Variants in ATP2B4 observed in about 807,000 individuals in gnomAD.
The protein encoded by ATP2B4 is plasma membrane calcium-transporting ATPase 4.
A neutral mutation model predicts 110.3 loss-of-function variants in ATP2B4; 39 were observed. The ratio of observed to expected loss-of-function variants is 0.35; its 90% CI spans 0.27 to 0.46. The LOEUF is 0.46. Among genes scored for constraint, ATP2B4 ranks in the 20% least tolerant of loss-of-function variants. The pLI, the probability that ATP2B4 is intolerant of heterozygous loss-of-function variation, is 1.00. For synonymous variants in ATP2B4, 538 were observed against 571.7 expected (o/e 0.94, Z 0.84); for missense variants, 1,135 against 1,530.9 (o/e 0.74, Z 4.32).
At chr1:203,714,374 A>G (rs1450800844) in intron 15 of ATP2B4, 97 bp downstream of exon 15, 2 of 1,317,636 alleles carry the variant, frequency 1.5e-6, no homozygotes, top group East Asian at 2.3e-5. Context: ...ACACCTGCAT[A>G]GCCCATGGGG....
intron 2 of ATP2B4, among the ~76,000 whole-genome samples, chr1:203,683,661 T>A (rs571082101): frequency 2.1e-5 from 3 of 142,400 alleles, no homozygotes; most frequent in African/African-American, 7.5e-5. Context: ...CTTCTTCTTT[T>A]GTTTCTTTTT....
In ATP2B4 at chr1:203,683,225, G is replaced by T. The variant is rs375107873; in HGVS notation, c.20G>T (p.Arg7Leu). The T allele has an allele frequency of 6.2e-7, 1 of 1,614,014 alleles. No homozygotes were observed. Among genetic ancestry groups the T allele is most frequent in the Non-Finnish European group, 8.5e-7 (1 of 1,179,994 alleles). ...GGCAAAATGACGAACCCATCAGACC[G>T]TGTCTTGCCTGCCAACTCGATGGCC... MTNPSD[R>L]VLPANSMAES... The change falls in exon 2 of 21, where the codon CGT (arginine) becomes CTT (leucine). Residue 7 changes from arginine to leucine, a missense_variant. Coordinates refer to ENST00000357681, the MANE Select transcript of ATP2B4 (RefSeq NM_001684.5).
chr1:203,702,479 G>A (rs1355153237), intron 7 of ATP2B4, among the ~76,000 whole-genome samples: 5 of 152,154 alleles, frequency 3.3e-5, no homozygotes, highest in African/African-American at 9.7e-5. Flanking sequence ...TCCCTGCACC[G>A]TCCTCTTGCT....
At chr1:203,702,202 T>C in intron 7 of ATP2B4, 123 bp downstream of exon 7, 1 of 1,268,540 alleles carries the variant, frequency 7.9e-7, no homozygotes, top group Non-Finnish European at 1.1e-6. Context: ...GTGGCTCAGA[T>C]GCCTCATCCT....
At chr1:203,716,289 G>T (rs1666156693) in intron 15 of ATP2B4, among the ~76,000 whole-genome samples, 1 of 145,198 alleles carries the variant, frequency 6.9e-6, no homozygotes, top group Non-Finnish European at 1.5e-5. Context: ...TCCCTCCCAT[G>T]AGGAGTCAAA....
intron 1 of ATP2B4, among the ~76,000 whole-genome samples, chr1:203,667,488 G>C (rs1469368911): frequency 1.3e-5 from 2 of 152,122 alleles, no homozygotes; most frequent in Non-Finnish European, 2.9e-5. Context: ...TCTCACAATT[G>C]CTCAGTTACT....
chr1:203,634,903 A>G (rs1368017892), intron 1 of ATP2B4, among the ~76,000 whole-genome samples: 2 of 152,190 alleles, frequency 1.3e-5, no homozygotes, highest in African/African-American at 4.8e-5. Flanking sequence ...GGCTCAAGCA[A>G]TCCACCTGCT....
intron 1 of ATP2B4, among the ~76,000 whole-genome samples, chr1:203,651,786 G>A (rs1167564851): frequency 2.0e-5 from 3 of 151,374 alleles, no homozygotes; most frequent in South Asian, 4.2e-4. Context: ...GGCTAGGCAC[G>A]GTGGCTCATG....
intron 20 of ATP2B4, among the ~76,000 whole-genome samples, chr1:203,731,510 T>C (rs1571777066): frequency 6.6e-6 from 1 of 152,136 alleles, no homozygotes; most frequent in East Asian, 1.9e-4. Context: ...GGGTCAGGGA[T>C]AAGGATGGTA....
At chr1:203,738,385 A>G (rs1434430407) in intron 20 of ATP2B4, among the ~76,000 whole-genome samples, 5 of 152,190 alleles carry the variant, frequency 3.3e-5, no homozygotes, top group Non-Finnish European at 1.5e-5. Context: ...CCTGTGGACA[A>G]GCAAAAGCTG....
At chr1:203,661,227 GAGAA>G (rs1417763052) in intron 1 of ATP2B4, among the ~76,000 whole-genome samples, 1 of 152,276 alleles carries the variant, frequency 6.6e-6, no homozygotes, top group East Asian at 1.9e-4. Context: ...AATGATCACT[GAGAA>G]AGAGAGCTCT....
intron 1 of ATP2B4, among the ~76,000 whole-genome samples, chr1:203,650,997 A>G (rs979589758): frequency 6.6e-6 from 1 of 152,062 alleles, no homozygotes; most frequent in African/African-American, 2.4e-5. Context: ...TGCTCTCTTA[A>G]TTCCTGGGCT....
chr1:203,633,489 C>T (rs375530165), intron 1 of ATP2B4, among the ~76,000 whole-genome samples: 6 of 152,212 alleles, frequency 3.9e-5, no homozygotes, highest in South Asian at 2.1e-4. Flanking sequence ...GCCAGTTGGG[C>T]GCAGTGGCTC....
At chr1:203,695,726 C>T (rs942908536) in intron 2 of ATP2B4, among the ~76,000 whole-genome samples, 1 of 148,062 alleles carries the variant, frequency 6.8e-6, no homozygotes, top group Non-Finnish European at 1.5e-5. Flanking sequence ...TCCCACCCCC[C>T]ACATCTACCT....
intron 1 of ATP2B4, among the ~76,000 whole-genome samples, chr1:203,666,913 G>A (rs770784678): frequency 9.2e-5 from 14 of 152,172 alleles, no homozygotes; most frequent in Non-Finnish European, 1.2e-4. Flanking sequence ...TTTCAGTGCT[G>A]TGTACTCACA....
intron 2 of ATP2B4, among the ~76,000 whole-genome samples, chr1:203,687,733 T>C (rs1381037833): frequency 6.6e-6 from 1 of 152,208 alleles, no homozygotes; most frequent in East Asian, 1.9e-4. Context: ...AACATGGTTT[T>C]ATTATCATAG....
intron 8 of ATP2B4, among the ~76,000 whole-genome samples, chr1:203,706,780 A>G (rs1665861102): frequency 6.6e-6 from 1 of 152,226 alleles, no homozygotes; most frequent in Admixed American, 6.5e-5. Flanking sequence ...AAGTCAAGTT[A>G]GTGCAGTGCT....
chr1:203,662,350 C>A (rs577237074), intron 1 of ATP2B4, among the ~76,000 whole-genome samples: 1 of 152,024 alleles, frequency 6.6e-6, no homozygotes, highest in Non-Finnish European at 1.5e-5. Flanking sequence ...TTAAGTAGAC[C>A]GTTCAGTGGT....
rs578086503 is a variant in ATP2B4 at position 203,724,474 on chromosome 1, G to A, written c.3132+486G>A. Among the ~76,000 whole-genome samples the A allele has an allele frequency of 9.2e-4, 140 of 151,636 alleles. 1 individual carries two copies. The highest frequency in any genetic ancestry group is 1.7e-3 in the Non-Finnish European group (118 of 67,944). On this transcript the variant is annotated intron_variant, in intron 19 of 20. Coordinates refer to ENST00000357681, the MANE Select transcript of ATP2B4 (RefSeq NM_001684.5). Reference sequence around the variant, plus strand: ...GGAGCTTGCAGTGAGCCGAGATTGCGCCACTGCACTCCAGCCTGGGCGACA... The same window carrying A: ...GGAGCTTGCAGTGAGCCGAGATTGCACCACTGCACTCCAGCCTGGGCGACA...
Sources: gnomAD v4.1 joint callset for allele counts (sites outside exome capture counted in the v4.1 genomes callset) on GRCh38, gnomAD v4.1.1 for gene constraint, MANE v1.5 for transcripts, NCBI Gene and HGNC (gene_info 2026-07-23, HGNC 2026-07-21) for gene names.